SV2C: variants seen among roughly 807,000 people sequenced by gnomAD.
SV2C encodes the protein synaptic vesicle glycoprotein 2C, also known as solute carrier family 22 member B3.
A neutral mutation model predicts 79.7 loss-of-function variants in SV2C; 49 were observed. The ratio of observed to expected loss-of-function variants is 0.61; its 90% confidence interval spans 0.49 to 0.78. The LOEUF (loss-of-function observed/expected upper bound fraction) is 0.78. Among genes scored for constraint, SV2C ranks in the 30% least tolerant of loss-of-function variants. The pLI is 0.00. For missense variants in SV2C, 833 were observed against 912.9 expected, an observed-to-expected ratio of 0.91 and a Z score of 1.13; for synonymous variants, 334 against 333.2, an observed-to-expected ratio of 1.00 and a Z score of -0.03.
chr5:76,004,941 G>A, the SV2C span, among the ~76,000 whole-genome samples: 2 of 152,144 alleles, frequency 1.3e-5, no homozygotes, highest in Admixed American at 6.6e-5. Context: ...GTGACTTGGG[G>A]CATACCTTGT....
At chr5:76,216,327 G>A (rs1349997717) in intron 4 of SV2C, among the ~76,000 whole-genome samples, 1 of 152,158 alleles carries the variant, frequency 6.6e-6, no homozygotes, top group African/African-American at 2.4e-5. Context: ...GTGCTTGGCT[G>A]TGGTCACACC....
intron 4 of SV2C, chr5:76,242,043 C>A: frequency 1.4e-6 from 2 of 1,451,146 alleles, no homozygotes; most frequent in South Asian, 2.3e-5. Flanking sequence ...ATCTCCAGCA[C>A]CTTCAGCTTT....
chr5:76,225,249 T>C (rs967066929), intron 4 of SV2C, among the ~76,000 whole-genome samples: 3 of 152,196 alleles, frequency 2.0e-5, no homozygotes, highest in Non-Finnish European at 4.4e-5. Context: ...GCTTCTTCTT[T>C]GGGAGGTTTC....
intron 12 of SV2C, among the ~76,000 whole-genome samples, chr5:76,312,164 C>T (rs1319699275): frequency 1.3e-5 from 2 of 151,278 alleles, no homozygotes; most frequent in African/African-American, 2.5e-5. Flanking sequence ...TGTTTCTCTG[C>T]GTCCAGGTGT....
the SV2C span, among the ~76,000 whole-genome samples, chr5:75,931,800 G>A: frequency 6.6e-5 from 10 of 152,158 alleles, no homozygotes; most frequent in South Asian, 6.2e-4. Flanking sequence ...CTCTCATAAC[G>A]TGTTATGATT....
chr5:76,166,464 G>T (rs1743049249), intron 2 of SV2C, among the ~76,000 whole-genome samples: 1 of 152,154 alleles, frequency 6.6e-6, no homozygotes, highest in African/African-American at 2.4e-5. Flanking sequence ...TCAAATAAAA[G>T]CTACCTTTGT....
chr5:76,219,558 C>T (rs1745007406), intron 4 of SV2C, among the ~76,000 whole-genome samples: 1 of 152,200 alleles, frequency 6.6e-6, no homozygotes, highest in Non-Finnish European at 1.5e-5. Context: ...GTCTCACGTG[C>T]TGAAACATGG....
chr5:76,296,012 C>A, intron 9 of SV2C, 70 bp downstream of exon 9: 1 of 1,408,924 alleles, frequency 7.1e-7, no homozygotes, highest in Non-Finnish European at 9.5e-7. Flanking sequence ...GCTTTCCCTG[C>A]ACTGAAACAG....
intron 4 of SV2C, among the ~76,000 whole-genome samples, chr5:76,268,337 T>C (rs2112468608): frequency 6.6e-6 from 1 of 152,272 alleles, no homozygotes; most frequent in African/African-American, 2.4e-5. Context: ...GATACTGGAT[T>C]CACGGGGCTC....
intron 1 of SV2C, among the ~76,000 whole-genome samples, chr5:76,121,957 G>C (rs549298830): frequency 1.3e-5 from 2 of 151,992 alleles, no homozygotes; most frequent in Non-Finnish European, 2.9e-5. Flanking sequence ...AAATTACCTT[G>C]GGCAGTATGG....
intron 1 of SV2C, among the ~76,000 whole-genome samples, chr5:76,098,341 A>T (rs1747632030): frequency 6.6e-6 from 1 of 152,206 alleles, no homozygotes; most frequent in Non-Finnish European, 1.5e-5. Flanking sequence ...CAAGGATATT[A>T]TATTTTCCTA....
chr5:76,275,548 C>G (rs78949806), intron 4 of SV2C, among the ~76,000 whole-genome samples: 4,791 of 151,848 alleles, frequency 0.032, 122 homozygotes, highest in Middle Eastern at 0.096. Context: ...AAGTAGGTGT[C>G]AAGTCCCCAG....
the SV2C span, among the ~76,000 whole-genome samples, chr5:76,033,447 G>A: frequency 6.6e-6 from 1 of 152,188 alleles, no homozygotes; most frequent in Non-Finnish European, 1.5e-5. Context: ...AAGGGATCCA[G>A]TTTCAGCTTT....
chr5:76,031,396 T>C, the SV2C span, among the ~76,000 whole-genome samples: 1 of 152,232 alleles, frequency 6.6e-6, no homozygotes, highest in East Asian at 1.9e-4. Flanking sequence ...CACACGGCAA[T>C]GCTGGCTGTC....
chr5:76,115,659 A>G (rs1048710178), intron 1 of SV2C, among the ~76,000 whole-genome samples: 1 of 152,246 alleles, frequency 6.6e-6, no homozygotes, highest in Non-Finnish European at 1.5e-5. Flanking sequence ...GGATAATGAG[A>G]TCTAGTAAAA....
At chr5:75,874,628 A>C in the SV2C span, among the ~76,000 whole-genome samples, 2 of 152,308 alleles carry the variant, frequency 1.3e-5, no homozygotes, top group South Asian at 4.1e-4. Context: ...CTCTGTTTGC[A>C]GAGGGCATGA....
At chr5:75,872,456 G>A in the SV2C span, among the ~76,000 whole-genome samples, 1 of 152,036 alleles carries the variant, frequency 6.6e-6, no homozygotes, top group South Asian at 2.1e-4. Flanking sequence ...AAACAACATA[G>A]CGGTGAAAGA....
chr5:75,927,845 T>A, the SV2C span, among the ~76,000 whole-genome samples: 1 of 151,872 alleles, frequency 6.6e-6, no homozygotes, highest in Non-Finnish European at 1.5e-5. Context: ...TCAATAAAGC[T>A]AAAAAAAATT....
the SV2C span, among the ~76,000 whole-genome samples, chr5:75,970,660 T>G: frequency 1.8e-3 from 279 of 152,218 alleles, 4 homozygotes; most frequent in African/African-American, 6.4e-3. Flanking sequence ...AATAATAGGC[T>G]ATGAAATTGA....
Sources: allele counts gnomAD v4.1 joint callset (sites outside exome capture counted in the v4.1 genomes callset), GRCh38; gene constraint gnomAD v4.1.1; transcripts MANE v1.5; gene names NCBI Gene and HGNC (gene_info 2026-07-23, HGNC 2026-07-21).